Variants in CEP85 observed in about 807,000 individuals in gnomAD.
The protein encoded by CEP85 is centrosomal protein of 85 kDa.
In CEP85, 58 loss-of-function variants were observed where a neutral mutation model predicts 93.7. The observed-to-expected ratio is 0.62, with a 90% CI of 0.50 to 0.77. The LOEUF is 0.77. Ranked by LOEUF, CEP85 falls within the 30% of genes least tolerant of loss-of-function variation. The pLI is 0.00. For synonymous variants in CEP85, 314 were observed against 338.6 expected (o/e 0.93, Z 0.80); for missense variants, 868 against 922.0 (o/e 0.94, Z 0.76).
chr1:26,267,210 C>T (rs1178679232), intron 7 of CEP85, among the ~76,000 whole-genome samples: 1 of 152,068 alleles, frequency 6.6e-6, no homozygotes, highest in Non-Finnish European at 1.5e-5. Context: ...TAATAATTCC[C>T]AGAATTACTC....
At position 26,259,840 on chromosome 1, in the gene CEP85, G is replaced by T. The variant is rs757769828; in HGVS notation, c.1341+38G>T. 2.6e-6 allele frequency: 4 copies of T among 1,545,002 alleles called. No individual in the cohort carries two copies. In the South Asian group the frequency reaches 3.7e-5, roughly 14 times the overall value. ...GCTGATAGCCCTAGTTCACAAAGGA[G>T]TTGGCAGTCAGCTGTCTACTCTAAA... On this transcript the variant is annotated intron_variant, in intron 7 of 13. Coordinates refer to ENST00000451429, the MANE Select transcript of CEP85 (RefSeq NM_001319944.2).
intron 1 of CEP85, 72 bp from the exon 2 acceptor site, chr1:26,239,690 T>G: frequency 1.1e-6 from 1 of 946,804 alleles, no homozygotes; most frequent in Non-Finnish European, 1.7e-6. Flanking sequence ...ACAGTTTCAG[T>G]TGAATGGGAA....
chr1:26,235,464 GTGTC>G (rs2089309966), intron 1 of CEP85, among the ~76,000 whole-genome samples: 1 of 151,770 alleles, frequency 6.6e-6, no homozygotes, highest in Non-Finnish European at 1.5e-5. Flanking sequence ...GATCCTTCGT[GTGTC>G]TGTGTCAGCT....
chr1:26,274,795 T>C (rs1434385079), intron 11 of CEP85, among the ~76,000 whole-genome samples, 169 bp from the exon 12 acceptor site: 1 of 152,156 alleles, frequency 6.6e-6, no homozygotes, highest in Admixed American at 6.5e-5. Context: ...TCAAGGGCTA[T>C]AGGAGGGTTT....
At chr1:26,256,928 G>GTTTTGGTGTGTGTGTGTGTGTGT (rs199539021) in intron 4 of CEP85, among the ~76,000 whole-genome samples, 36 of 111,492 alleles carry the variant, frequency 3.2e-4, no homozygotes, top group African/African-American at 1.1e-3. Context: ...GTTTTGTTTT[G>GTTTTGGTGTGTGTGTGTGTGTGT]GTGTGTGTGT....
At chr1:26,274,873 G>A (rs752627979) in intron 11 of CEP85, 91 bp from the exon 12 acceptor site, 83 of 973,724 alleles carry the variant, frequency 8.5e-5, no homozygotes, top group Non-Finnish European at 1.1e-4. Context: ...AGGGTGAGTC[G>A]TCACTATATA....
At chr1:26,275,206 G>T in intron 12 of CEP85, 135 bp downstream of exon 12, 1 of 623,464 alleles carries the variant, frequency 1.6e-6, no homozygotes. Context: ...GGGGGCAGAG[G>T]AAAGGTGCAT....
At chr1:26,276,240 G>T (rs1023271779) in intron 12 of CEP85, among the ~76,000 whole-genome samples, 3 of 152,172 alleles carry the variant, frequency 2.0e-5, no homozygotes, top group Non-Finnish European at 4.4e-5. Flanking sequence ...TCCTAGGGGC[G>T]GGAGCATCTT....
At position 26,271,925 on chromosome 1, in the gene CEP85, A is replaced by G. The variant is rs2089980386; in HGVS notation, c.1744-96A>G. Reference sequence around the variant, plus strand: ...ATCCTGGTCTTACTCTTAATGGTCTAATAGCCAGACCACATGTCCTAGTGC... The same window carrying G: ...ATCCTGGTCTTACTCTTAATGGTCTGATAGCCAGACCACATGTCCTAGTGC... On this transcript the variant is annotated intron_variant, in intron 10 of 13. Transcript: ENST00000451429. The G allele has an allele frequency of 5.0e-6, 5 of 1,005,972 alleles. No individual in the cohort carries two copies. In the Admixed American group the frequency reaches 5.8e-5, roughly 12 times the overall value. 62.3% of individuals were successfully genotyped at this position (1,005,972 alleles called of 1,614,324 possible). A position where few individuals can be genotyped will look rare whatever the true frequency, so the allele number is the denominator to read the frequency against.
At chr1:26,255,926 C>T in intron 4 of CEP85, 61 bp downstream of exon 4, 1 of 1,396,154 alleles carries the variant, frequency 7.2e-7, no homozygotes, top group East Asian at 2.3e-5. Context: ...ATTGTAATAG[C>T]TTTTGTCCTT....
intron 11 of CEP85, among the ~76,000 whole-genome samples, chr1:26,274,024 T>G (rs369271733): frequency 7.3e-4 from 3 of 4,130 alleles, no homozygotes; most frequent in African/African-American, 5.0e-3. Flanking sequence ...TCCTTAGCAG[T>G]TTTTTTTTTT....
intron 3 of CEP85, among the ~76,000 whole-genome samples, chr1:26,253,493 G>T (rs1335853631): frequency 6.6e-6 from 1 of 150,938 alleles, no homozygotes; most frequent in African/African-American, 2.4e-5. Context: ...GGGTTCAAGC[G>T]ATCCTCCTGC....
chr1:26,276,161 G>A (rs1049476577), intron 12 of CEP85, among the ~76,000 whole-genome samples: 4 of 152,200 alleles, frequency 2.6e-5, no homozygotes, highest in Non-Finnish European at 5.9e-5. Flanking sequence ...CAGATTTCAC[G>A]GTTCACATTA....
chr1:26,240,740 C>G (rs1171446608), intron 2 of CEP85, among the ~76,000 whole-genome samples: 1 of 151,962 alleles, frequency 6.6e-6, no homozygotes, highest in Non-Finnish European at 1.5e-5. Context: ...ACTAAAAATA[C>G]AAAAATTAGC....
At chr1:26,245,874 TA>T (rs1346497530) in intron 3 of CEP85, among the ~76,000 whole-genome samples, 12 of 152,206 alleles carry the variant, frequency 7.9e-5, no homozygotes, top group South Asian at 6.2e-4. Flanking sequence ...TGGATGGCTA[TA>T]TTCCAGAAGA....
chr1:26,242,651 G>A (rs1474451113), intron 2 of CEP85, among the ~76,000 whole-genome samples: 1 of 152,130 alleles, frequency 6.6e-6, no homozygotes, highest in African/African-American at 2.4e-5. Flanking sequence ...AAAGTAATTT[G>A]TGTCCAAATT....
intron 1 of CEP85, among the ~76,000 whole-genome samples, chr1:26,236,104 A>AT (rs1357397760): frequency 1.3e-5 from 2 of 152,192 alleles, no homozygotes; most frequent in Non-Finnish European, 2.9e-5. Flanking sequence ...CACATGTAGA[A>AT]TGCTGACTAG....
intron 11 of CEP85, among the ~76,000 whole-genome samples, chr1:26,273,516 AG>A (rs2090008245): frequency 6.6e-6 from 1 of 152,208 alleles, no homozygotes; most frequent in African/African-American, 2.4e-5. Flanking sequence ...TAGGTTTCCT[AG>A]AACCCTTGGG....
Position 26,255,467 on chromosome 1 carries a change from G to T in CEP85, c.505G>T (p.Gly169Cys). Residue 169 changes from glycine to cysteine, a missense_variant, in exon 4 of 14, where the codon GGC (glycine) becomes TGC (cysteine). By Grantham distance (159) the Gly-to-Cys change is radical. Coordinates refer to ENST00000451429, the MANE Select transcript of CEP85 (RefSeq NM_001319944.2). ...TGAGCAGTCCTGGTTTCCAGCAGTG[G>T]GCCATGAAAGACAAGAAGAGGCGAG... is the stretch of plus-strand genomic sequence containing the variant. ...GIEQSWFPAV[G>C]HERQEEARKF... is the part of the protein sequence containing the mutation. 1.2e-6 allele frequency: 2 copies of T among 1,614,124 alleles called. No individual in the cohort carries two copies. The highest frequency in any genetic ancestry group is 1.7e-6 in the Non-Finnish European group (2 of 1,180,028).
Sources: allele counts gnomAD v4.1 joint callset (sites outside exome capture counted in the v4.1 genomes callset), GRCh38; gene constraint gnomAD v4.1.1; transcripts MANE v1.5; gene names NCBI Gene and HGNC (gene_info 2026-07-23, HGNC 2026-07-21).